The following DNAJC4 variants were observed in gnomAD, a reference collection of about 807,000 sequenced individuals.
The protein encoded by DNAJC4 is dnaJ homolog subfamily C member 4.
A neutral mutation model predicts 26.8 loss-of-function variants in DNAJC4; 26 were observed. The observed-to-expected ratio is 0.97, with a 90% CI of 0.71 to 1.34. DNAJC4 has a LOEUF of 1.34. Among genes scored for constraint, DNAJC4 ranks in the 40% most tolerant of loss-of-function variants. The probability of loss-of-function intolerance (pLI) is 0.00; values close to 1 mark genes in which losing one functional copy is unlikely to be tolerated. For missense variants in DNAJC4, 342 were observed against 321.1 expected (o/e 1.07, Z -0.50); for synonymous variants, 134 against 127.8 (o/e 1.05, Z -0.33).
At position 64,230,724 on chromosome 11, in the gene DNAJC4, C is replaced by A; in HGVS notation, c.-131C>A. On this transcript the variant is annotated 5_prime_UTR_variant, in exon 1 of 6. Coordinates refer to ENST00000628077, the MANE Select transcript of DNAJC4 (RefSeq NM_005528.4). ...GGGCAAGAACCGCCCCCTCTCCGGG[C>A]CTGCTTCAGTCTTCCTTTGCAGAAC... The A allele has an allele frequency of 7.7e-7, 1 of 1,291,296 alleles. No homozygotes were observed. The highest frequency in any genetic ancestry group is 1.1e-6 in the Non-Finnish European group (1 of 928,340). 80.0% of individuals were successfully genotyped at this position (1,291,296 alleles called of 1,614,324 possible). A position where few individuals can be genotyped will look rare whatever the true frequency, so the allele number is the denominator to read the frequency against.
Position 64,233,165 on chromosome 11 carries a change from C to A in DNAJC4, c.527+300C>A, listed in dbSNP as rs1947199284. ...AGCAGCAAATGCAGCACAGCTCATT[C>A]ATTTGGCAGTAGGCATCTCCCTGCC... On this transcript the variant is annotated intron_variant, in intron 4 of 5. Transcript: ENST00000628077. 1.3e-5 allele frequency: 4 copies of A among 302,152 alleles called. No homozygotes were observed. The East Asian group carries it at 2.2e-4, about 17-fold the overall frequency. The allele number at this position is 302,152 out of a possible 1,614,324, so 18.7% of individuals were successfully genotyped here.
At chr11:64,232,233 G>A in intron 2 of DNAJC4, 197 bp from the exon 3 acceptor site, 2 of 758,246 alleles carry the variant, frequency 2.6e-6, no homozygotes, top group East Asian at 2.7e-5. Flanking sequence ...GGGCTGGCAG[G>A]TGGGGAGGGC....
chr11:64,234,155 G>C lies in DNAJC4; in HGVS notation c.697G>C (p.Glu233Gln). 4 of 1,586,230 alleles carry C rather than the reference G, an allele frequency of 2.5e-6. No individual in the cohort carries two copies. Among genetic ancestry groups the C allele is most frequent in the Non-Finnish European group, 3.4e-6 (4 of 1,168,762 alleles). ...ACCATCCGAGCCAACCCAAGGCCCCGAGATCGTGCCCCGGGGCGCCGGCCC... is the reference window on the plus strand; with the variant it reads ...ACCATCCGAGCCAACCCAAGGCCCCCAGATCGTGCCCCGGGGCGCCGGCCC... ...PPPSEPTQGP[E>Q]IVPRGAGP is the part of the protein sequence containing the mutation. The change falls in exon 6 of 6, where the codon GAG becomes CAG. Residue 233 changes from glutamate (E) to glutamine (Q), a missense_variant. Physicochemically the swap from Glu to Gln is conservative, Grantham distance 29. Transcript: ENST00000628077. This position sits in a 1 kb window ranked among gnomAD's most constrained non-coding sequence, Gnocchi z 5.3.
Position 64,230,573 on chromosome 11 carries a change from C to T in DNAJC4, c.-282C>T, listed in dbSNP as rs1947160151. On this transcript the variant is annotated 5_prime_UTR_variant, in exon 1 of 6. Coordinates refer to ENST00000628077, the MANE Select transcript of DNAJC4 (RefSeq NM_005528.4). ...CCCTCCTTCTCCCGTCCCCAAGTTCCCTGGGTGGGAACGGGGTCTTGGGGT... is the reference window on the plus strand; with the variant it reads ...CCCTCCTTCTCCCGTCCCCAAGTTCTCTGGGTGGGAACGGGGTCTTGGGGT... 1.6e-6 allele frequency: 1 copy of T among 606,286 alleles called. No individual in the cohort carries two copies. Among genetic ancestry groups the T allele is most frequent in the African/African-American group, 1.9e-5 (1 of 53,922 alleles). 37.6% of individuals were successfully genotyped at this position (606,286 alleles called of 1,614,324 possible).
Position 64,232,712 on chromosome 11 carries a change from C to A in DNAJC4, c.374C>A (p.Thr125Lys). Residue 125 changes from threonine to lysine, a missense_variant, in exon 4 of 6, where the codon ACA (threonine) becomes AAA (lysine). By Grantham distance (78) the Thr-to-Lys change is moderately conservative. Transcript: ENST00000628077. ...KSAHQTHSSW[T>K]PPNAQYWSQF... Reference sequence around the variant, plus strand: ...CCTCTGCCTCCCAGCAGCTCCTGGACACCCCCCAACGCACAGTACTGGTCC... The same window carrying A: ...CCTCTGCCTCCCAGCAGCTCCTGGAAACCCCCCAACGCACAGTACTGGTCC... 6.3e-7 allele frequency: 1 copy of A among 1,591,150 alleles called. No individual in the cohort carries two copies. Among genetic ancestry groups the A allele is most frequent in the Non-Finnish European group, 8.6e-7 (1 of 1,164,082 alleles).
rs1947190801 is a variant in DNAJC4 at position 64,232,605 on chromosome 11, A to G, written c.356A>G (p.Gln119Arg). The change falls in exon 3 of 6, where the codon CAA becomes CGA. Residue 119 changes from glutamine (Q) to arginine (R), a missense_variant. Gln to Arg is a conservative substitution (Grantham distance 43). Coordinates refer to ENST00000628077, the MANE Select transcript of DNAJC4 (RefSeq NM_005528.4). ...ACAGTCCATGACAAGTCTGCCCACC[A>G]AACACACAGGTACAGTAATCCTGCC... Reference protein sequence around the residue: ...RTTVHDKSAHQTHSSWTPPNA... With the variant: ...RTTVHDKSAHRTHSSWTPPNA... The G allele has an allele frequency of 1.3e-6, 2 of 1,598,166 alleles. No homozygotes were observed. Among genetic ancestry groups the G allele is most frequent in the Non-Finnish European group, 1.7e-6 (2 of 1,168,180 alleles).
chr11:64,232,741 T>C lies in DNAJC4; in HGVS notation c.403T>C (p.Phe135Leu), dbSNP rs781464158. Reference protein sequence around the residue: ...TPPNAQYWSQFHSVRPQGPQL... With the variant: ...TPPNAQYWSQLHSVRPQGPQL... ...CCCCAACGCACAGTACTGGTCCCAG[T>C]TTCACAGCGTGAGGCCACAGGGGCC... Residue 135 changes from phenylalanine to leucine, a missense_variant, in exon 4 of 6, where the codon TTT becomes CTT. Transcript: ENST00000628077. The C allele has an allele frequency of 6.2e-7, 1 of 1,611,400 alleles. No homozygotes were observed. The highest frequency in any genetic ancestry group is 1.7e-4 in the Middle Eastern group (1 of 6,040).
chr11:64,232,509 G>C lies in DNAJC4; in HGVS notation c.260G>C (p.Ser87Thr), dbSNP rs1363910048. 6.2e-7 allele frequency: 1 copy of C among 1,613,230 alleles called. No homozygotes were observed. The highest frequency in any genetic ancestry group is 8.5e-7 in the Non-Finnish European group (1 of 1,179,454). Residue 87 changes from serine (S) to threonine (T), a missense_variant, in exon 3 of 6, where the codon AGC becomes ACC. Physicochemically the swap from Ser to Thr is moderately conservative, Grantham distance 58 (BLOSUM62 1). Transcript: ENST00000628077. ...CTGAGCGAGGCATACCGTGTGCTCA[G>C]CCGTGAGCAGAGCCGCCGCAGCTAT... ...VELSEAYRVL[S>T]REQSRRSYDD... is the part of the protein sequence containing the mutation.
Position 64,232,175 on chromosome 11 carries a change from C to T in DNAJC4, c.180+211C>T, listed in dbSNP as rs915127860. On this transcript the variant is annotated intron_variant, in intron 2 of 5. Coordinates refer to ENST00000628077, the MANE Select transcript of DNAJC4 (RefSeq NM_005528.4). ...GGCTGGGCTTGGTTTTCTTGACCTG[C>T]CTGCCTGCTCTTGAGAAACCTGGAC... 2.7e-5 allele frequency: 19 copies of T among 709,026 alleles called. No individual in the cohort carries two copies. The African/African-American group carries it at 2.9e-4, about 11-fold the overall frequency. 43.9% of individuals were successfully genotyped at this position (709,026 alleles called of 1,614,324 possible).
intron 4 of DNAJC4, chr11:64,233,094 C>T: frequency 2.3e-6 from 1 of 435,098 alleles, no homozygotes; most frequent in Non-Finnish European, 3.9e-6. Flanking sequence ...GTAAATCTTT[C>T]ATGCTGGCTG....
At position 64,230,614 on chromosome 11, in the gene DNAJC4, C is replaced by T. The variant is rs1323869318; in HGVS notation, c.-241C>T. 3.2e-6 allele frequency: 2 copies of T among 630,834 alleles called. No homozygotes were observed. The highest frequency in any genetic ancestry group is 5.4e-5 in the Admixed American group (2 of 36,872). The allele number at this position is 630,834 out of a possible 1,614,324, so 39.1% of individuals were successfully genotyped here. On this transcript the variant is annotated 5_prime_UTR_variant, in exon 1 of 6. Coordinates refer to ENST00000628077, the MANE Select transcript of DNAJC4 (RefSeq NM_005528.4). Reference sequence around the variant, plus strand: ...GTCTTGGGGTCCCTGGCTGGGTGGCCAGACCCCGAAGCCAGCGCTGGGAAG... The same window carrying T: ...GTCTTGGGGTCCCTGGCTGGGTGGCTAGACCCCGAAGCCAGCGCTGGGAAG...
intron 2 of DNAJC4, 92 bp from the exon 3 acceptor site, chr11:64,232,338 T>C: frequency 6.9e-7 from 1 of 1,444,470 alleles, no homozygotes; most frequent in Non-Finnish European, 9.2e-7. Flanking sequence ...GGCCTCTGGG[T>C]ATGACTGGAG....
Position 64,230,921 on chromosome 11 carries a change from G to A in DNAJC4, c.67G>A (p.Gly23Arg). Residue 23 changes from glycine (G) to arginine (R), a missense_variant, in exon 1 of 6, where the codon GGA becomes AGA. Gly to Arg is a moderately radical substitution (Grantham distance 125). Coordinates refer to ENST00000628077, the MANE Select transcript of DNAJC4 (RefSeq NM_005528.4). ...CCGCAACCCTCCCTCCCGGCTCCTC[G>A]GAGCGGCCGCCGGGCAGCGGTGAGT... ...WPRNPPSRLL[G>R]AAAGQRSRPS... 6.4e-7 allele frequency: 1 copy of A among 1,571,140 alleles called. No individual in the cohort carries two copies. The highest frequency in any genetic ancestry group is 1.1e-5 in the South Asian group (1 of 87,082).
At chr11:64,233,116 T>A in intron 4 of DNAJC4, 1 of 396,196 alleles carries the variant, frequency 2.5e-6, no homozygotes, top group Non-Finnish European at 4.4e-6. Flanking sequence ...CAGGAAGGGA[T>A]TGAGCCAAAC....
intron 1 of DNAJC4, 196 bp from the exon 2 acceptor site, chr11:64,231,674 CA>C: frequency 1.9e-6 from 1 of 540,292 alleles, no homozygotes; most frequent in Non-Finnish European, 3.3e-6. Context: ...TTTTGGACTC[CA>C]CTTTGAGAAA....
intron 1 of DNAJC4, 190 bp downstream of exon 1, chr11:64,231,130 G>A (rs1406294438): frequency 2.6e-6 from 2 of 768,068 alleles, no homozygotes; most frequent in Non-Finnish European, 4.5e-6. Context: ...AGCGGCAGAG[G>A]AGGAAGTTTG....
At chr11:64,233,780 C>T in intron 4 of DNAJC4, 114 bp from the exon 5 acceptor site, 1 of 1,401,218 alleles carries the variant, frequency 7.1e-7, no homozygotes. Flanking sequence ...GACTGAGGTT[C>T]CTAACCCTGT....
rs1947159828 is a variant in DNAJC4 at position 64,230,553 on chromosome 11, C to T, written c.-302C>T. ...GGGCGGGGCCTGGTTGTGGCCCCTC[C>T]TTCTCCCGTCCCCAAGTTCCCTGGG... is the stretch of plus-strand genomic sequence containing the variant. On this transcript the variant is annotated 5_prime_UTR_variant, in exon 1 of 6. Coordinates refer to ENST00000628077, the MANE Select transcript of DNAJC4 (RefSeq NM_005528.4). 6 of 594,474 alleles carry T rather than the reference C, an allele frequency of 1.0e-5. No homozygotes were observed. Among genetic ancestry groups the T allele is most frequent in the Middle Eastern group, 5.2e-4 (2 of 3,838 alleles). The allele number at this position is 594,474 out of a possible 1,614,324, so 36.8% of individuals were successfully genotyped here.
At position 64,230,893 on chromosome 11, in the gene DNAJC4, GC is replaced by G; in HGVS notation, c.43del (p.Arg15AlafsTer65). ...LLPLRLCRLW[P>X]RNPPSRLLGA... ...TGCCCCTGCGCCTGTGCCGGCTGTGGCCCCGCAACCCTCCCTCCCGGCTCCT... is the reference window on the plus strand; with the variant it reads ...TGCCCCTGCGCCTGTGCCGGCTGTGGCCCGCAACCCTCCCTCCCGGCTCCT... On this transcript the variant is annotated frameshift_variant, in exon 1 of 6. Transcript: ENST00000628077. LOFTEE classifies it high-confidence loss of function. The G allele has an allele frequency of 1.3e-6, 2 of 1,593,810 alleles. No homozygotes were observed. Among genetic ancestry groups the G allele is most frequent in the South Asian group, 1.1e-5 (1 of 89,054 alleles).
Sources: gnomAD v4.1 joint callset for allele counts on GRCh38, gnomAD v4.1.1 for gene constraint, Gnocchi (gnomAD v3.1) non-coding constraint, MANE v1.5 for transcripts, NCBI Gene and HGNC (gene_info 2026-07-23, HGNC 2026-07-21) for gene names.